ANK2: variants seen among roughly 807,000 people sequenced by gnomAD.
ANK2 encodes the protein ankyrin-2.
Under a neutral mutation model 360.5 loss-of-function variants are expected in ANK2, and 83 were observed. The observed-to-expected ratio is 0.23, with a 90% CI of 0.19 to 0.28. ANK2 has a LOEUF of 0.28. Ranked by LOEUF, ANK2 falls within the 10% of genes least tolerant of loss-of-function variation. The probability of loss-of-function intolerance (pLI) is 1.00; values close to 1 mark genes in which losing one functional copy is unlikely to be tolerated. For synonymous variants in ANK2, 1,740 were observed against 1,759.5 expected (o/e 0.99, Z 0.28); for missense variants, 4,201 against 4,795.7 (o/e 0.88, Z 3.66).
intron 20 of ANK2, 53 bp downstream of exon 20, chr4:113,288,539 C>G (rs1247769930): frequency 1.4e-6 from 2 of 1,438,136 alleles, no homozygotes; most frequent in African/African-American, 2.8e-5. Context: ...GTTCAGCCAT[C>G]TGGATGCTTC....
intron 1 of ANK2, among the ~76,000 whole-genome samples, chr4:112,897,882 C>T (rs1473234437): frequency 6.6e-6 from 1 of 152,134 alleles, no homozygotes; most frequent in East Asian, 1.9e-4. Context: ...CTTTTTGAGG[C>T]TGGGAGATCT....
chr4:112,872,042 T>C (rs77907487), intron 1 of ANK2, among the ~76,000 whole-genome samples: 3 of 151,328 alleles, frequency 2.0e-5, no homozygotes, highest in Admixed American at 6.6e-5. Context: ...TTTTTTTTTT[T>C]CGAGACAGAG....
chr4:113,295,794 A>G (rs1034016738), intron 22 of ANK2, among the ~76,000 whole-genome samples: 4 of 152,160 alleles, frequency 2.6e-5, no homozygotes, highest in South Asian at 2.1e-4. Flanking sequence ...TAATGGTTAC[A>G]TGTTTCGATG....
intron 1 of ANK2, among the ~76,000 whole-genome samples, chr4:113,067,526 G>A (rs1406319759): frequency 6.6e-6 from 1 of 152,192 alleles, no homozygotes; most frequent in Non-Finnish European, 1.5e-5. Flanking sequence ...ACACTTGGGA[G>A]GAAGGTCAGG....
chr4:112,734,351 C>T, the ANK2 span, among the ~76,000 whole-genome samples: 7 of 152,210 alleles, frequency 4.6e-5, no homozygotes, highest in Non-Finnish European at 7.3e-5. Flanking sequence ...TTATCTTTAG[C>T]TTGGTGAGTA....
intron 14 of ANK2, among the ~76,000 whole-genome samples, chr4:113,269,256 C>G (rs1216460180): frequency 6.6e-6 from 1 of 152,202 alleles, no homozygotes; most frequent in East Asian, 1.9e-4. Flanking sequence ...GGCTTCCTGG[C>G]TTCAGCCCCC....
chr4:113,325,949 GT>G (rs1031079354), intron 26 of ANK2, among the ~76,000 whole-genome samples: 9 of 152,144 alleles, frequency 5.9e-5, no homozygotes, highest in Admixed American at 5.9e-4. Context: ...TTAATTATAT[GT>G]TTTTACTTAA....
At chr4:113,203,571 A>G (rs1584771478) in intron 4 of ANK2, among the ~76,000 whole-genome samples, 1 of 152,296 alleles carries the variant, frequency 6.6e-6, no homozygotes, top group East Asian at 1.9e-4. Context: ...GGATGAATAT[A>G]TGCATGTATA....
At position 113,278,546 on chromosome 4, in the gene ANK2, T is replaced by C. The variant is rs761925962; in HGVS notation, c.1869T>C (p.His623=). 17 of 1,613,946 alleles carry C rather than the reference T, an allele frequency of 1.1e-5. No individual in the cohort carries two copies. In the African/African-American group the frequency reaches 1.7e-4, roughly 16 times the overall value. ...TACTGGAGAAGGGTGCTTCCCCTCA[T>C]GCCACTGCCAAGGTGAGGACCACAG... ...LLLLEKGASP[H]ATAKNGYTPL... is the part of the protein sequence containing the mutation. Residue 623 remains histidine, a synonymous_variant, in exon 17 of 46, where the codon CAT becomes CAC. Transcript: ENST00000357077.
At chr4:113,173,543 T>C (rs1012322254) in intron 1 of ANK2, among the ~76,000 whole-genome samples, 1 of 152,146 alleles carries the variant, frequency 6.6e-6, no homozygotes, top group Admixed American at 6.5e-5. Context: ...AAGTTTATCA[T>C]CGTTATTATG....
chr4:113,377,471 G>C (rs1049909644), intron 45 of ANK2, among the ~76,000 whole-genome samples: 3 of 152,028 alleles, frequency 2.0e-5, no homozygotes, highest in African/African-American at 7.2e-5. Flanking sequence ...ATCCAAAAGG[G>C]ACAAAAAAAT....
At chr4:112,790,192 A>G in the ANK2 span, among the ~76,000 whole-genome samples, 1 of 152,238 alleles carries the variant, frequency 6.6e-6, no homozygotes, top group African/African-American at 2.4e-5. Flanking sequence ...AAATAAGAGA[A>G]GACTGATTTA....
intron 2 of ANK2, among the ~76,000 whole-genome samples, chr4:113,179,690 TAAAG>T (rs2098343838): frequency 1.3e-5 from 2 of 152,222 alleles, no homozygotes; most frequent in South Asian, 4.1e-4. Flanking sequence ...CTGAAACTCA[TAAAG>T]ACTTACTTTC....
chr4:113,024,857 A>G (rs1282835840), intron 2 of ANK2, among the ~76,000 whole-genome samples: 1 of 152,208 alleles, frequency 6.6e-6, no homozygotes, highest in East Asian at 1.9e-4. Flanking sequence ...TTTTATTTAA[A>G]TATTTATCTT....
Position 113,358,969 on chromosome 4 carries a change from T to A in ANK2, c.10351T>A (p.Ser3451Thr). 1 of 1,614,048 alleles carries A rather than the reference T, an allele frequency of 6.2e-7. No homozygotes were observed. The highest frequency in any genetic ancestry group is 1.1e-5 in the South Asian group (1 of 91,074). The change falls in exon 38 of 46, where the codon TCT becomes ACT. Residue 3451 changes from serine (S) to threonine (T), a missense_variant. Ser to Thr is a moderately conservative substitution (Grantham distance 58). Transcript: ENST00000357077. ...RLPVKSRSTT[S>T]SCRGGTSPTK... ...GCCAGTTAAGAGCAGAAGCACTACA[T>A]CTTCCTGCAGGGGGGGCACGAGCCC...
intron 43 of ANK2, chr4:113,372,772 T>TTTG: frequency 3.0e-6 from 2 of 667,070 alleles, no homozygotes; most frequent in South Asian, 3.8e-5. Flanking sequence ...ATAAGTTCTG[T>TTTG]TTGCAAACAA....
intron 20 of ANK2, among the ~76,000 whole-genome samples, chr4:113,291,065 A>G (rs1228806994): frequency 6.6e-6 from 1 of 152,214 alleles, no homozygotes; most frequent in Non-Finnish European, 1.5e-5. Context: ...ACATATATTT[A>G]TAGATAATTT....
intron 2 of ANK2, among the ~76,000 whole-genome samples, chr4:112,987,351 C>T (rs139822961): frequency 1.3e-4 from 20 of 152,296 alleles, no homozygotes; most frequent in Non-Finnish European, 7.4e-5. Context: ...TCTCTATACT[C>T]AGCCCAGCTG....
upstream of ANK2, among the ~76,000 whole-genome samples, chr4:113,048,130 C>T (rs746997033): frequency 1.3e-5 from 2 of 150,406 alleles, no homozygotes; most frequent in Non-Finnish European, 3.0e-5. Context: ...ATTTTTACTT[C>T]TAAGTATGCT....
Sources: allele counts gnomAD v4.1 joint callset (sites outside exome capture counted in the v4.1 genomes callset), GRCh38; gene constraint gnomAD v4.1.1; transcripts MANE v1.5; gene names NCBI Gene and HGNC (gene_info 2026-07-23, HGNC 2026-07-21).